PCDHGB5: variants seen among roughly 807,000 people sequenced by gnomAD.
PCDHGB5 encodes protocadherin gamma-B5.
A neutral mutation model predicts 62.9 loss-of-function variants in PCDHGB5; 48 were observed. That is an observed-to-expected ratio of 0.76 (90% CI 0.61 to 0.97). The LOEUF is 0.97. PCDHGB5 is among the 50% of genes least tolerant of loss of function. The probability of loss-of-function intolerance (pLI) is 0.00; values close to 1 mark genes in which losing one functional copy is unlikely to be tolerated. For synonymous variants in PCDHGB5, 474 were observed against 511.2 expected (o/e 0.93, Z 0.98); for missense variants, 1,118 against 1,198.6 (o/e 0.93, Z 0.99).
rs966009387 is a variant in PCDHGB5, at chr5:141,511,564, G to A, written c.*391G>A. The A allele has an allele frequency of 3.0e-5, 9 of 295,900 alleles. No individual in the cohort carries two copies. The highest frequency in any genetic ancestry group is 4.6e-5 in the Non-Finnish European group (7 of 151,798). The allele number at this position is 295,900 out of a possible 1,614,324, so 18.3% of individuals were successfully genotyped here. A position where few individuals can be genotyped will look rare whatever the true frequency, so the allele number is the denominator to read the frequency against. ...CCCACTCCAACAGTTCCTCTTTCCC[G>A]AGTAAGGTGGTTGGGGTGTTGAAGT... On this transcript the variant is annotated 3_prime_UTR_variant, in exon 4 of 4. Transcript: ENST00000617380.
intron 1 of PCDHGB5, among the ~76,000 whole-genome samples, chr5:141,466,868 CA>C (rs1343260699): frequency 1.3e-5 from 2 of 152,100 alleles, no homozygotes; most frequent in African/African-American, 2.4e-5. Flanking sequence ...GAAATCCACA[CA>C]TTTTTTTCAT....
rs780620346 is a variant in PCDHGB5 at position 141,399,154 on chromosome 5, G to T, written c.1027G>T (p.Val343Phe). Residue 343 changes from valine to phenylalanine, a missense_variant, in exon 1 of 4, where the codon GTT becomes TTT. Transcript: ENST00000617380. ...AGATGAAAATGACAATAGCCCAGAAGTTACATTCCATTCTCTACTTGAAAT... is the reference window on the plus strand; with the variant it reads ...AGATGAAAATGACAATAGCCCAGAATTTACATTCCATTCTCTACTTGAAAT... ...IQDENDNSPEVTFHSLLEMIL... is the reference protein window; with the variant it reads ...IQDENDNSPEFTFHSLLEMIL... 2 of 1,613,850 alleles carry T rather than the reference G, an allele frequency of 1.2e-6. No homozygotes were observed. The highest frequency in any genetic ancestry group is 1.1e-5 in the South Asian group (1 of 91,078).
chr5:141,475,951 G>A, intron 1 of PCDHGB5: 4 of 766,902 alleles, frequency 5.2e-6, no homozygotes, highest in South Asian at 1.9e-5. Flanking sequence ...CCCTTTCTGC[G>A]CCCCGGGATG....
In PCDHGB5 at chr5:141,491,721, C is replaced by T. The variant is rs761584159; in HGVS notation, c.2398-3086C>T. On this transcript the variant is annotated intron_variant, in intron 1 of 3. Transcript: ENST00000617380. The surrounding 1 kb of genome is among the most constrained non-coding windows in gnomAD (Gnocchi z 6.9). The stretch of plus-strand genomic sequence containing the variant: ...GCCAGGTGAGGGGCTCGGCGCCGCC[C>T]CGGGCGACCCCTGGGGGCGGCACTG... 3 of 1,607,250 alleles carry T rather than the reference C, an allele frequency of 1.9e-6. No homozygotes were observed. Among genetic ancestry groups the T allele is most frequent in the Admixed American group, 1.7e-5 (1 of 58,860 alleles).
intron 1 of PCDHGB5, chr5:141,421,734 G>T: frequency 6.2e-7 from 1 of 1,613,948 alleles, no homozygotes; most frequent in Non-Finnish European, 8.5e-7. Flanking sequence ...ACTCCCTCCA[G>T]AGCTACCAGC....
chr5:141,415,602 A>G (rs1208876851), intron 1 of PCDHGB5: 2 of 1,613,602 alleles, frequency 1.2e-6, no homozygotes, highest in African/African-American at 2.7e-5. Flanking sequence ...AGGATACCCC[A>G]TTGGTTCCAG....
intron 1 of PCDHGB5, chr5:141,412,660 T>C (rs1337663720): frequency 6.6e-6 from 1 of 152,262 alleles, no homozygotes; most frequent in African/African-American, 2.4e-5. Flanking sequence ...ACCTAGACAC[T>C]AATATGACCT....
chr5:141,509,550 T>C (rs1562240751), intron 3 of PCDHGB5, among the ~76,000 whole-genome samples: 1 of 152,142 alleles, frequency 6.6e-6, no homozygotes, highest in Non-Finnish European at 1.5e-5. Flanking sequence ...TCTCATTTAG[T>C]CCTCACAGCA....
At chr5:141,417,556 A>C (rs1240389709) in intron 1 of PCDHGB5, 1 of 333,096 alleles carries the variant, frequency 3.0e-6, no homozygotes, top group Non-Finnish European at 5.4e-6. Context: ...TGAAAGAGGT[A>C]GAGAAAAGTC....
At chr5:141,484,135 A>G (rs181630887) in intron 1 of PCDHGB5, among the ~76,000 whole-genome samples, 6 of 152,270 alleles carry the variant, frequency 3.9e-5, no homozygotes, top group Admixed American at 1.3e-4. Flanking sequence ...GTGTCAGATA[A>G]AGGGAATTTG....
chr5:141,441,954 C>T, intron 1 of PCDHGB5: 1 of 319,608 alleles, frequency 3.1e-6, no homozygotes, highest in Non-Finnish European at 6.0e-6. Context: ...TGCAGGCCAG[C>T]AAGCCCAGGC....
intron 1 of PCDHGB5, chr5:141,403,943 A>T: frequency 6.2e-7 from 1 of 1,613,934 alleles, no homozygotes; most frequent in Non-Finnish European, 8.5e-7. Context: ...GAAAGGGTGG[A>T]CAAAAGTGCT....
At position 141,399,270 on chromosome 5, in the gene PCDHGB5, A is replaced by G. The variant is rs1318152877; in HGVS notation, c.1143A>G (p.Gln381=). The G allele has an allele frequency of 1.2e-6, 2 of 1,613,854 alleles. No homozygotes were observed. Among genetic ancestry groups the G allele is most frequent in the African/African-American group, 1.3e-5 (1 of 74,936 alleles). The change falls in exon 1 of 4, where the codon CAA becomes CAG. Residue 381 remains glutamine (Q), a synonymous_variant. Transcript: ENST00000617380. ...GGGAAAATGGGGAGGTTAATTGTCA[A>G]TTACAAGGCGAAGTCCCTTTTAAGA... The part of the protein sequence containing the change: ...DSGENGEVNC[Q]LQGEVPFKII...
rs558609501 is a variant in PCDHGB5, at chr5:141,487,648, G to C, written c.2398-7159G>C. On this transcript the variant is annotated intron_variant, in intron 1 of 3. Coordinates refer to ENST00000617380, the MANE Select transcript of PCDHGB5 (RefSeq NM_018925.3). This position sits in a 1 kb window ranked among gnomAD's most constrained non-coding sequence, Gnocchi z 5.0. ...CTTTGCAGGCTCAACAAATGCTTGA[G>C]GGTTATTCTGATCCAGGCATATGGC... is the stretch of plus-strand genomic sequence containing the variant. 34 of 1,613,904 alleles carry C rather than the reference G, an allele frequency of 2.1e-5. 1 individual carries two copies. The South Asian group carries it at 3.6e-4, about 17-fold the overall frequency.
Position 141,476,017 on chromosome 5 carries a change from G to C in PCDHGB5, c.2398-18790G>C. The C allele has an allele frequency of 1.5e-6, 2 of 1,369,942 alleles. No individual in the cohort carries two copies. The highest frequency in any genetic ancestry group is 2.0e-6 in the Non-Finnish European group (2 of 1,015,658). The allele number at this position is 1,369,942 out of a possible 1,614,324, so 84.9% of individuals were successfully genotyped here. A position where few individuals can be genotyped will look rare whatever the true frequency, so the allele number is the denominator to read the frequency against. On this transcript the variant is annotated intron_variant, in intron 1 of 3. Coordinates refer to ENST00000617380, the MANE Select transcript of PCDHGB5 (RefSeq NM_018925.3). This position sits in a 1 kb window ranked among gnomAD's most constrained non-coding sequence, Gnocchi z 7.6. ...CAACGGCATCCAGAAAGCCATGTCG[G>C]ACTCGGCGCCCAGCGCCCAAGCGCT...
intron 1 of PCDHGB5, among the ~76,000 whole-genome samples, chr5:141,445,132 G>T (rs921068835): frequency 2.6e-5 from 4 of 152,026 alleles, no homozygotes; most frequent in Non-Finnish European, 5.9e-5. Flanking sequence ...TTTTAAAATT[G>T]TATCTTCTAA....
intron 1 of PCDHGB5, among the ~76,000 whole-genome samples, chr5:141,472,967 C>G (rs1040253926): frequency 1.7e-5 from 1 of 58,336 alleles, no homozygotes; most frequent in South Asian, 5.1e-4. Flanking sequence ...GCCTGGGGAA[C>G]AAGAGTGAAA....
In PCDHGB5 at chr5:141,512,022, C is replaced by T. The variant is rs2154594692; in HGVS notation, c.*849C>T. The T allele has an allele frequency of 6.5e-6, 1 of 152,990 alleles. No individual in the cohort carries two copies. The highest frequency in any genetic ancestry group is 1.9e-4 in the East Asian group (1 of 5,186). The allele number at this position is 152,990 out of a possible 1,614,324, so 9.5% of individuals were successfully genotyped here. A position where few individuals can be genotyped will look rare whatever the true frequency, so the allele number is the denominator to read the frequency against. The stretch of plus-strand genomic sequence containing the variant: ...AGCTTGACACATCAAGTTATCAAGG[C>T]CTTGGAGGAGGCTCTGTATGTCCTC... On this transcript the variant is annotated 3_prime_UTR_variant, in exon 4 of 4. Transcript: ENST00000617380.
intron 1 of PCDHGB5, chr5:141,419,682 T>C (rs758536078): frequency 6.2e-7 from 1 of 1,612,950 alleles, no homozygotes; most frequent in Non-Finnish European, 8.5e-7. Flanking sequence ...TCCTACCACG[T>C]GGTGCAGGCC....
Sources: allele counts gnomAD v4.1 joint callset (sites outside exome capture counted in the v4.1 genomes callset), GRCh38; gene constraint gnomAD v4.1.1; non-coding constraint Gnocchi (gnomAD v3.1); transcripts MANE v1.5; gene names NCBI Gene and HGNC (gene_info 2026-07-23, HGNC 2026-07-21).